CCT7: variants seen among roughly 807,000 people sequenced by gnomAD.
The protein encoded by CCT7 is chaperonin containing TCP1 subunit 7, also known as T-complex protein 1 subunit eta.
CCT7 carries 16 observed loss-of-function variants against 56.6 expected under a neutral mutation model. The observed-to-expected ratio is 0.28, with a 90% CI of 0.19 to 0.43. The LOEUF (loss-of-function observed/expected upper bound fraction) is 0.43, where lower values mean the gene tolerates loss of function less well. CCT7 is among the 20% of genes least tolerant of loss of function. The probability of loss-of-function intolerance (pLI) is 1.00; values close to 1 mark genes in which losing one functional copy is unlikely to be tolerated. For missense variants in CCT7, 519 were observed against 685.6 expected (o/e 0.76, Z 2.71); for synonymous variants, 262 against 254.8 (o/e 1.03, Z -0.27).
At chr2:73,249,641 T>C (rs1465858609) in intron 8 of CCT7, among the ~76,000 whole-genome samples, 178 bp from the exon 9 acceptor site, 1 of 149,432 alleles carries the variant, frequency 6.7e-6, no homozygotes. Flanking sequence ...TTTAGTTCTA[T>C]TTTGTTTTTT....
chr2:73,239,934 A>G lies in CCT7; in HGVS notation c.160+138A>G, dbSNP rs376078214. 2.9e-4 allele frequency: 215 copies of G among 745,572 alleles called. No homozygotes were observed. The African/African-American group carries it at 3.3e-3, about 11-fold the overall frequency. 46.2% of individuals were successfully genotyped at this position (745,572 alleles called of 1,614,324 possible). A position where few individuals can be genotyped will look rare whatever the true frequency, so the allele number is the denominator to read the frequency against. On this transcript the variant is annotated intron_variant, in intron 2 of 11. Coordinates refer to ENST00000258091, the MANE Select transcript of CCT7 (RefSeq NM_006429.4). ...AGATGACTCACTCTGAAGCAGTTCC[A>G]ATTCTTATATTGTCCTGACTGCTGA...
In CCT7 at chr2:73,252,907, T is replaced by C. The variant is rs1480603186; in HGVS notation, c.*46T>C. 1 of 1,454,328 alleles carries C rather than the reference T, an allele frequency of 6.9e-7. No homozygotes were observed. 90.1% of individuals were successfully genotyped at this position (1,454,328 alleles called of 1,614,324 possible). ...TGGCTGGCTGGCTGCTGGGTGCACT[T>C]ACCCTCCTTGGCTTGGTTACTTCAT... On this transcript the variant is annotated 3_prime_UTR_variant, in exon 12 of 12. Coordinates refer to ENST00000258091, the MANE Select transcript of CCT7 (RefSeq NM_006429.4).
At chr2:73,240,608 C>T (rs1687064135) in intron 3 of CCT7, 65 bp downstream of exon 3, 9 of 910,872 alleles carry the variant, frequency 9.9e-6, no homozygotes. Flanking sequence ...CTTAGTTCTC[C>T]TCTATTAAAT....
intron 7 of CCT7, among the ~76,000 whole-genome samples, chr2:73,248,277 A>T (rs1284702333): frequency 6.6e-6 from 1 of 151,570 alleles, no homozygotes; most frequent in African/African-American, 2.4e-5. Context: ...GTGTGCTCTC[A>T]TTGTTGATGT....
chr2:73,245,946 C>T (rs1180419184), intron 6 of CCT7, among the ~76,000 whole-genome samples: 1 of 152,172 alleles, frequency 6.6e-6, no homozygotes, highest in Non-Finnish European at 1.5e-5. Flanking sequence ...GGCCTTCCTA[C>T]TTCCATAAAT....
At position 73,244,026 on chromosome 2, in the gene CCT7, G is replaced by T; in HGVS notation, c.423G>T (p.Val141=). The change falls in exon 5 of 12, where the codon GTG becomes GTT. Residue 141 remains valine (V), a synonymous_variant. Transcript: ENST00000258091. ...TTAACAAGATCAAAGAGATTGCTGT[G>T]ACCGTGAAGAAGGCAGATAAAGTGT... ...LAVNKIKEIA[V]TVKKADKVEQ... 6.2e-7 allele frequency: 1 copy of T among 1,612,852 alleles called. No homozygotes were observed. Among genetic ancestry groups the T allele is most frequent in the South Asian group, 1.1e-5 (1 of 90,986 alleles).
At chr2:73,239,998 G>A in intron 2 of CCT7, 3 of 517,444 alleles carry the variant, frequency 5.8e-6, no homozygotes, top group Non-Finnish European at 1.0e-5. Flanking sequence ...AGGCTCAGGA[G>A]CCTGTTGCCT....
chr2:73,242,892 A>T, intron 3 of CCT7, 112 bp from the exon 4 acceptor site: 1 of 1,295,172 alleles, frequency 7.7e-7, no homozygotes, highest in African/African-American at 1.5e-5. Context: ...AAAAAGCTTG[A>T]CATCCATTTA....
intron 2 of CCT7, 80 bp from the exon 3 acceptor site, chr2:73,240,357 A>G: frequency 1.1e-6 from 1 of 933,420 alleles, no homozygotes; most frequent in East Asian, 2.5e-5. Flanking sequence ...CCATCCCAGT[A>G]AAGTGTAGAT....
chr2:73,250,719 A>C (rs78339323), intron 10 of CCT7, among the ~76,000 whole-genome samples: 1 of 152,012 alleles, frequency 6.6e-6, no homozygotes, highest in Non-Finnish European at 1.5e-5. Context: ...GGAGGGTTGC[A>C]TAAGACCAAG....
chr2:73,247,735 A>G (rs750434166), intron 6 of CCT7, 27 bp from the exon 7 acceptor site: 2 of 1,609,542 alleles, frequency 1.2e-6, no homozygotes, highest in South Asian at 2.2e-5. Flanking sequence ...GTACCAAACC[A>G]TTAAAGTGTT....
At chr2:73,247,030 C>T (rs376712583) in intron 6 of CCT7, among the ~76,000 whole-genome samples, 3 of 152,238 alleles carry the variant, frequency 2.0e-5, no homozygotes, top group South Asian at 4.2e-4. Context: ...CTAAGTCTCA[C>T]GGTAGTGCTG....
rs144815025 is a variant in CCT7, at chr2:73,245,280, T to C, written c.618+565T>C. 7.5e-3 allele frequency among the ~76,000 whole-genome samples: 1,144 copies of C among 152,342 alleles called. 18 individuals carry two copies. Among genetic ancestry groups the C allele is most frequent in the African/African-American group, 0.026 (1,079 of 41,560 alleles). On this transcript the variant is annotated intron_variant, in intron 6 of 11. Transcript: ENST00000258091. ...TGTTTTTTAAAGACAAAAGATTGCT[T>C]ATATAGTGTTCTGTAGCTTGCTTTT...
At chr2:73,241,339 G>A (rs7594590) in intron 3 of CCT7, among the ~76,000 whole-genome samples, 14,262 of 151,934 alleles carry the variant, frequency 0.094, 885 homozygotes, top group African/African-American at 0.17. Flanking sequence ...TGTCTTCAAC[G>A]AGGGAATAAT....
At chr2:73,234,431 G>C in intron 1 of CCT7, 47 bp downstream of exon 1, 1 of 1,608,592 alleles carries the variant, frequency 6.2e-7, no homozygotes. Context: ...CCATCTGGCC[G>C]GTGGCCGGCG....
At chr2:73,239,850 G>A in intron 2 of CCT7, 54 bp downstream of exon 2, 1 of 1,524,030 alleles carries the variant, frequency 6.6e-7, no homozygotes, top group Non-Finnish European at 9.0e-7. Context: ...CTCCTGAGGG[G>A]GTGTTTGGGA....
chr2:73,249,286 C>A, intron 8 of CCT7, 107 bp downstream of exon 8: 1 of 877,830 alleles, frequency 1.1e-6, no homozygotes, highest in South Asian at 2.1e-5. Flanking sequence ...TGAATTGAGC[C>A]CTGTTTTTTT....
chr2:73,247,206 T>G (rs180998185), intron 6 of CCT7, among the ~76,000 whole-genome samples: 1 of 152,304 alleles, frequency 6.6e-6, no homozygotes. Context: ...TTCTGATTCT[T>G]AAGACCTTTT....
intron 1 of CCT7, among the ~76,000 whole-genome samples, chr2:73,234,932 C>T (rs1686804414): frequency 1.3e-5 from 2 of 152,194 alleles, no homozygotes; most frequent in South Asian, 4.1e-4. Flanking sequence ...TTCATTCACT[C>T]ATTCGCTCAG....
Sources: gnomAD v4.1 joint callset for allele counts (sites outside exome capture counted in the v4.1 genomes callset) on GRCh38, gnomAD v4.1.1 for gene constraint, MANE v1.5 for transcripts, NCBI Gene and HGNC (gene_info 2026-07-23, HGNC 2026-07-21) for gene names.